The following TAOK3 variants were observed in gnomAD, a reference collection of about 807,000 sequenced individuals.
TAOK3 encodes serine/threonine-protein kinase TAO3.
In TAOK3, 40 loss-of-function variants were observed where a neutral mutation model predicts 120.4. The ratio of observed to expected loss-of-function variants is 0.33; its 90% confidence interval spans 0.26 to 0.43. TAOK3 has a LOEUF of 0.43. TAOK3 is among the 20% of genes least tolerant of loss of function. TAOK3 has a pLI of 1.00. For missense variants in TAOK3, 821 were observed against 1,112.1 expected (o/e 0.74, Z 3.72); for synonymous variants, 355 against 387.5 (o/e 0.92, Z 0.99).
At chr12:118,276,325 G>A (rs2041902080) in intron 1 of TAOK3, among the ~76,000 whole-genome samples, 1 of 152,192 alleles carries the variant, frequency 6.6e-6, no homozygotes, top group Non-Finnish European at 1.5e-5. Context: ...TGCTTTGATT[G>A]GAATATGAAA....
At chr12:118,326,814 A>G (rs2043955051) in intron 1 of TAOK3, among the ~76,000 whole-genome samples, 1 of 152,188 alleles carries the variant, frequency 6.6e-6, no homozygotes, top group Non-Finnish European at 1.5e-5. Flanking sequence ...GTTCAACAAC[A>G]TTCCAGCGAT....
At chr12:118,181,779 T>A (rs1056578205) in intron 14 of TAOK3, among the ~76,000 whole-genome samples, 172 bp from the exon 15 acceptor site, 1 of 152,242 alleles carries the variant, frequency 6.6e-6, no homozygotes, top group African/African-American at 2.4e-5. Flanking sequence ...AGATACTCTT[T>A]ATGTATTTTA....
chr12:118,287,317 G>A (rs911508348), intron 1 of TAOK3, among the ~76,000 whole-genome samples: 7 of 151,994 alleles, frequency 4.6e-5, no homozygotes, highest in African/African-American at 1.2e-4. Context: ...GCAGTGGTGC[G>A]ATCTCTGCTC....
At chr12:118,202,457 T>C (rs1336423572) in intron 11 of TAOK3, among the ~76,000 whole-genome samples, 6 of 152,160 alleles carry the variant, frequency 3.9e-5, no homozygotes, top group Non-Finnish European at 8.8e-5. Context: ...TTTTCCATAA[T>C]GGCAACCCCA....
chr12:118,291,916 C>A (rs748910305), intron 1 of TAOK3, among the ~76,000 whole-genome samples: 2 of 151,994 alleles, frequency 1.3e-5, no homozygotes, highest in Non-Finnish European at 2.9e-5. Context: ...CGGGTTCAAG[C>A]GATTCTCCTG....
intron 1 of TAOK3, among the ~76,000 whole-genome samples, chr12:118,369,895 A>C (rs1472377304): frequency 6.6e-6 from 1 of 151,962 alleles, no homozygotes; most frequent in Non-Finnish European, 1.5e-5. Flanking sequence ...TTTCTTTTTG[A>C]GACGGAGTCC....
At chr12:118,367,655 T>C (rs552668857) in intron 1 of TAOK3, among the ~76,000 whole-genome samples, 2 of 152,146 alleles carry the variant, frequency 1.3e-5, no homozygotes, top group Non-Finnish European at 2.9e-5. Context: ...CCTATGCTGA[T>C]ATGCAATCTT....
Position 118,149,825 on chromosome 12 carries a change from A to C in TAOK3, c.*1172T>G, listed in dbSNP as rs1223600408. On this transcript the variant is annotated 3_prime_UTR_variant, in exon 21 of 21. Transcript: ENST00000392533. ...ATGTGATGAACACTTTTATTTACAAATATAATTAAAAGCTCTGACAGTTAT... is the reference window on the plus strand; with the variant it reads ...ATGTGATGAACACTTTTATTTACAACTATAATTAAAAGCTCTGACAGTTAT... 1 of 152,202 alleles carries C rather than the reference A, an allele frequency of 6.6e-6. No individual in the cohort carries two copies. The highest frequency in any genetic ancestry group is 2.4e-5 in the African/African-American group (1 of 41,448). 9.4% of individuals were successfully genotyped at this position (152,202 alleles called of 1,614,324 possible).
chr12:118,154,882 T>C (rs1017087013), intron 19 of TAOK3, among the ~76,000 whole-genome samples: 3 of 152,080 alleles, frequency 2.0e-5, no homozygotes, highest in African/African-American at 7.2e-5. Context: ...TGGGTTCAAA[T>C]CCTAGCTCTA....
Position 118,221,762 on chromosome 12 carries a change from G to A in TAOK3, c.644-7652C>T, listed in dbSNP as rs556653799. On this transcript the variant is annotated intron_variant, in intron 9 of 20. Coordinates refer to ENST00000392533, the MANE Select transcript of TAOK3 (RefSeq NM_016281.4). ...CCATTCTCTTGCCTCAGTCTCCCGA[G>A]TAGCTGGGACTACAGGTGCCCGCCA... Among the ~76,000 whole-genome samples, 750 of 150,886 alleles carry A rather than the reference G, an allele frequency of 5.0e-3. 1 individual carries two copies. Among genetic ancestry groups the A allele is most frequent in the Non-Finnish European group, 6.6e-3 (449 of 67,924 alleles).
At chr12:118,323,491 A>G (rs551330517) in intron 1 of TAOK3, among the ~76,000 whole-genome samples, 73 of 152,344 alleles carry the variant, frequency 4.8e-4, no homozygotes, top group African/African-American at 1.7e-3. Context: ...TTAGAATTTC[A>G]TATTTTAAGT....
chr12:118,229,116 G>A (rs547034668), intron 9 of TAOK3, among the ~76,000 whole-genome samples: 1 of 150,246 alleles, frequency 6.7e-6, no homozygotes, highest in Non-Finnish European at 1.5e-5. Context: ...TTTTTTTTGG[G>A]GGGGACAGAG....
rs1036017149 is a variant in TAOK3, at chr12:118,174,813, G to A, written c.1696-2153C>T. Among the ~76,000 whole-genome samples, 24 of 152,008 alleles carry A rather than the reference G, an allele frequency of 1.6e-4. No individual in the cohort carries two copies. In the South Asian group the frequency reaches 4.2e-3, roughly 26 times the overall value. On this transcript the variant is annotated intron_variant, in intron 16 of 20. Coordinates refer to ENST00000392533, the MANE Select transcript of TAOK3 (RefSeq NM_016281.4). Reference sequence around the variant, plus strand: ...TGAGTAGCTGGGATTACAGGCGCCCGCCATCAAGCTCAGCTAATTTTGTAT... The same window carrying A: ...TGAGTAGCTGGGATTACAGGCGCCCACCATCAAGCTCAGCTAATTTTGTAT...
rs2045904440 is a variant in TAOK3, at chr12:118,371,812, C to T, written c.-194+836G>A. Among the ~76,000 whole-genome samples, 1 of 151,916 alleles carries T rather than the reference C, an allele frequency of 6.6e-6. No individual in the cohort carries two copies. The highest frequency in any genetic ancestry group is 1.5e-5 in the Non-Finnish European group (1 of 67,916). Reference sequence around the variant, plus strand: ...GGGGCACCGCTCCTCCCTCGGGGTCCGCGCCTGCACCCGACGCTCAAAGCC... The same window carrying T: ...GGGGCACCGCTCCTCCCTCGGGGTCTGCGCCTGCACCCGACGCTCAAAGCC... On this transcript the variant is annotated intron_variant, in intron 1 of 20. Transcript: ENST00000392533. This position sits in a 1 kb window ranked among gnomAD's most constrained non-coding sequence, Gnocchi z 5.5.
chr12:118,151,058 C>T lies in TAOK3; in HGVS notation c.2636G>A (p.Ser879Asn), dbSNP rs80282091. ...EREIETFDME[S>N]LRMGFGNLVT... ...CAAATTCCCAAATCCCATTCTGAGG[C>T]TCTCCATGTCAAAAGTTTCAATCTC... The change falls in exon 21 of 21, where the codon AGC becomes AAC. Residue 879 changes from serine (S) to asparagine (N), a missense_variant. Physicochemically the swap from Ser to Asn is conservative, Grantham distance 46. Around this residue, in one of 2 missense-constraint regions of TAOK3, gnomAD observed 354 missense variants for 572.1 expected, o/e 0.62. Coordinates refer to ENST00000392533, the MANE Select transcript of TAOK3 (RefSeq NM_016281.4). 103 of 1,612,170 alleles carry T rather than the reference C, an allele frequency of 6.4e-5. 1 individual carries two copies. The highest frequency in any genetic ancestry group is 8.3e-5 in the Non-Finnish European group (98 of 1,179,874).
At position 118,372,403 on chromosome 12, in the gene TAOK3, C is replaced by T. The variant is rs2045927897; in HGVS notation, c.-194+245G>A. Among the ~76,000 whole-genome samples, 1 of 150,898 alleles carries T rather than the reference C, an allele frequency of 6.6e-6. No homozygotes were observed. Among genetic ancestry groups the T allele is most frequent in the East Asian group, 2.0e-4 (1 of 5,064 alleles). On this transcript the variant is annotated intron_variant, in intron 1 of 20. Transcript: ENST00000392533. This position sits in a 1 kb window ranked among gnomAD's most constrained non-coding sequence, Gnocchi z 4.6. ...TCCCTTCCTCTCACGCGCACTGTCCCGGCCCCTCTTGGAGACCCCTCCCCT... is the reference window on the plus strand; with the variant it reads ...TCCCTTCCTCTCACGCGCACTGTCCTGGCCCCTCTTGGAGACCCCTCCCCT...
At chr12:118,267,377 G>C (rs1226947661) in intron 1 of TAOK3, among the ~76,000 whole-genome samples, 7 of 151,648 alleles carry the variant, frequency 4.6e-5, no homozygotes, top group Non-Finnish European at 7.4e-5. Context: ...ACCAAGCCTG[G>C]CTAATGTTTG....
At chr12:118,165,327 T>C (rs760778128) in intron 17 of TAOK3, among the ~76,000 whole-genome samples, 1 of 152,198 alleles carries the variant, frequency 6.6e-6, no homozygotes, top group Admixed American at 6.5e-5. Flanking sequence ...AGGCATTTAT[T>C]CATCCCACAC....
At chr12:118,339,496 T>C (rs1486293225) in intron 1 of TAOK3, among the ~76,000 whole-genome samples, 2 of 152,134 alleles carry the variant, frequency 1.3e-5, no homozygotes, top group East Asian at 3.8e-4. Context: ...TATAACATTG[T>C]TATCTTTAAA....
Sources: gnomAD v4.1 joint callset for allele counts (sites outside exome capture counted in the v4.1 genomes callset) on GRCh38, gnomAD v4.1.1 for gene constraint, gnomAD v4.1.1 regional missense constraint, Gnocchi (gnomAD v3.1) non-coding constraint, MANE v1.5 for transcripts, NCBI Gene and HGNC (gene_info 2026-07-23, HGNC 2026-07-21) for gene names.